GALNT17: variants seen among roughly 807,000 people sequenced by gnomAD.
GALNT17 encodes UDP-GalNAc:polypeptide N-acetylgalactosaminyltransferase-like 3.
GALNT17 carries 29 observed loss-of-function variants against 63.7 expected under a neutral mutation model. That is an observed-to-expected ratio of 0.46 (90% confidence interval 0.34 to 0.62). GALNT17 has a LOEUF of 0.62. GALNT17 is among the 20% of genes least tolerant of loss of function. The probability of loss-of-function intolerance (pLI) is 0.01; values close to 1 mark genes in which losing one functional copy is unlikely to be tolerated. For missense variants in GALNT17, 603 were observed against 799.6 expected, an observed-to-expected ratio of 0.75 and a Z score of 2.97; for synonymous variants, 305 against 318.3, an observed-to-expected ratio of 0.96 and a Z score of 0.45.
intron 3 of GALNT17, among the ~76,000 whole-genome samples, chr7:71,401,406 CTT>C (rs1255977884): frequency 6.6e-6 from 1 of 152,076 alleles, no homozygotes; most frequent in Non-Finnish European, 1.5e-5. Context: ...CCTCAATACT[CTT>C]TTATATGTCT....
At chr7:71,526,183 A>G (rs978703713) in intron 5 of GALNT17, among the ~76,000 whole-genome samples, 15 of 152,158 alleles carry the variant, frequency 9.9e-5, no homozygotes, top group Non-Finnish European at 1.9e-4. Context: ...CTTCATTTTC[A>G]TTCTTGGTAG....
intron 5 of GALNT17, among the ~76,000 whole-genome samples, chr7:71,455,898 G>T (rs572987252): frequency 6.6e-5 from 10 of 152,328 alleles, no homozygotes; most frequent in African/African-American, 2.4e-4. Context: ...GGAACCTTCT[G>T]TTCCTATGAG....
chr7:71,256,917 A>G (rs1215423562), intron 1 of GALNT17, among the ~76,000 whole-genome samples: 2 of 152,154 alleles, frequency 1.3e-5, no homozygotes, highest in South Asian at 2.1e-4. Flanking sequence ...TAGATTTCCA[A>G]TGCAGAGGTA....
intron 5 of GALNT17, among the ~76,000 whole-genome samples, chr7:71,563,965 T>C: frequency 6.6e-6 from 1 of 152,146 alleles, no homozygotes; most frequent in Non-Finnish European, 1.5e-5. Flanking sequence ...GCTAAAGCGA[T>C]CCTCCTGTCT....
intron 1 of GALNT17, among the ~76,000 whole-genome samples, chr7:71,335,248 C>T (rs753922832): frequency 6.1e-4 from 93 of 152,280 alleles, no homozygotes; most frequent in Non-Finnish European, 1.1e-3. Context: ...TCTCCTGCCT[C>T]AGCCTCTCGA....
chr7:71,488,797 G>C (rs2116666055), intron 5 of GALNT17, among the ~76,000 whole-genome samples: 1 of 149,004 alleles, frequency 6.7e-6, no homozygotes, highest in East Asian at 2.0e-4. Context: ...GGCCAGGCTG[G>C]TCTCGAATTC....
intron 5 of GALNT17, among the ~76,000 whole-genome samples, chr7:71,425,165 G>A (rs1786735402): frequency 6.6e-6 from 1 of 152,130 alleles, no homozygotes; most frequent in South Asian, 2.1e-4. Context: ...CACAGGTCCT[G>A]CCCAAGGAGG....
intron 7 of GALNT17, among the ~76,000 whole-genome samples, chr7:71,666,946 A>G (rs539149446): frequency 6.6e-6 from 1 of 152,394 alleles, no homozygotes; most frequent in Admixed American, 6.5e-5. Flanking sequence ...TGAGGATAAT[A>G]GCAGATTCTC....
chr7:71,685,353 C>A (rs1299946499), intron 9 of GALNT17: 1 of 152,194 alleles, frequency 6.6e-6, no homozygotes, highest in Non-Finnish European at 1.5e-5. Flanking sequence ...AGGTGTGGTC[C>A]ACTGACCCAG....
chr7:71,640,670 C>G (rs1023304311), intron 6 of GALNT17, among the ~76,000 whole-genome samples: 4 of 151,992 alleles, frequency 2.6e-5, no homozygotes, highest in African/African-American at 9.7e-5. Context: ...TTTAAAAAAA[C>G]CAATAACTAT....
At chr7:71,681,358 C>A (rs958569263) in intron 9 of GALNT17, among the ~76,000 whole-genome samples, 13 of 152,208 alleles carry the variant, frequency 8.5e-5, no homozygotes, top group African/African-American at 3.1e-4. Flanking sequence ...CCAGCAGGGA[C>A]TAAGAAGCTA....
chr7:71,458,456 G>A (rs73700993), intron 5 of GALNT17, among the ~76,000 whole-genome samples: 2,056 of 152,214 alleles, frequency 0.014, 41 homozygotes, highest in African/African-American at 0.047. Flanking sequence ...AGCCCTATTG[G>A]GCATGTTGCA....
chr7:71,266,057 G>A (rs7784624), intron 1 of GALNT17, among the ~76,000 whole-genome samples: 40,336 of 151,944 alleles, frequency 0.27, 6,772 homozygotes, highest in Non-Finnish European at 0.34. Context: ...GCTTATGGCC[G>A]CATCACTCCA....
intron 1 of GALNT17, among the ~76,000 whole-genome samples, chr7:71,136,744 C>CA (rs1787790808): frequency 6.6e-6 from 1 of 151,794 alleles, no homozygotes; most frequent in South Asian, 2.1e-4. Context: ...TTCGGCCTCC[C>CA]AAAGTGCTGG....
chr7:71,709,541 G>A (rs1236629114), intron 9 of GALNT17, among the ~76,000 whole-genome samples: 2 of 151,618 alleles, frequency 1.3e-5, no homozygotes, highest in Non-Finnish European at 2.9e-5. Flanking sequence ...TCACCAAAAT[G>A]TGGTGAATAA....
chr7:71,395,093 G>A (rs890237248), intron 3 of GALNT17, among the ~76,000 whole-genome samples: 2 of 151,980 alleles, frequency 1.3e-5, no homozygotes, highest in African/African-American at 4.8e-5. Context: ...CACAGCAAGA[G>A]TCTGTCTCAA....
At chr7:71,236,731 G>A (rs1052720722) in intron 1 of GALNT17, among the ~76,000 whole-genome samples, 1 of 152,134 alleles carries the variant, frequency 6.6e-6, no homozygotes, top group African/African-American at 2.4e-5. Flanking sequence ...GCCAGCCCTC[G>A]GCGGGGGCAC....
chr7:71,287,172 C>T lies in GALNT17; in HGVS notation c.239-48378C>T, dbSNP rs112001511. Reference sequence around the variant, plus strand: ...TGGTGCAATCAGGCTTCACTGCATCCTCGACCTCCTGAGTTCAAGCGATCC... The same window carrying T: ...TGGTGCAATCAGGCTTCACTGCATCTTCGACCTCCTGAGTTCAAGCGATCC... On this transcript the variant is annotated intron_variant, in intron 1 of 10. Coordinates refer to ENST00000333538, the MANE Select transcript of GALNT17 (RefSeq NM_022479.3). 7.5e-3 allele frequency among the ~76,000 whole-genome samples: 1,142 copies of T among 152,220 alleles called. 13 individuals are homozygous for T. Among genetic ancestry groups the T allele is most frequent in the African/African-American group, 0.026 (1,063 of 41,530 alleles).
At chr7:71,242,317 T>C (rs1349387514) in intron 1 of GALNT17, among the ~76,000 whole-genome samples, 1 of 144,340 alleles carries the variant, frequency 6.9e-6, no homozygotes, top group Non-Finnish European at 1.5e-5. Flanking sequence ...TCGCCCAGGC[T>C]GGAGTGCAGT....
Sources: allele counts gnomAD v4.1 joint callset (sites outside exome capture counted in the v4.1 genomes callset), GRCh38; gene constraint gnomAD v4.1.1; transcripts MANE v1.5; gene names NCBI Gene and HGNC (gene_info 2026-07-23, HGNC 2026-07-21).